USP13: variants seen among roughly 807,000 people sequenced by gnomAD.
USP13 encodes ubiquitin carboxyl-terminal hydrolase 13.
In USP13, 68 loss-of-function variants were observed where a neutral mutation model predicts 107.8. The ratio of observed to expected loss-of-function variants is 0.63; its 90% CI spans 0.52 to 0.77. USP13 has a LOEUF of 0.77. Among genes scored for constraint, USP13 ranks in the 30% least tolerant of loss-of-function variants. USP13 has a pLI of 0.00. For synonymous variants in USP13, 377 were observed against 389.5 expected (o/e 0.97, Z 0.38); for missense variants, 945 against 1,093.3 (o/e 0.86, Z 1.91).
intron 19 of USP13, among the ~76,000 whole-genome samples, chr3:179,766,411 TC>T: frequency 6.6e-6 from 1 of 152,322 alleles, no homozygotes; most frequent in Non-Finnish European, 1.5e-5. Flanking sequence ...TTTTGTCTGT[TC>T]CTTTGAGGTA....
intron 6 of USP13, among the ~76,000 whole-genome samples, chr3:179,711,899 AACCATATGTGCTAT>A (rs1462197486): frequency 6.6e-6 from 1 of 152,242 alleles, no homozygotes; most frequent in Non-Finnish European, 1.5e-5. Context: ...CTGTACGTAA[AACCATATGTGCTAT>A]ACTTATATGT....
At chr3:179,775,220 G>T (rs376594290) in intron 19 of USP13, among the ~76,000 whole-genome samples, 1 of 152,048 alleles carries the variant, frequency 6.6e-6, no homozygotes, top group African/African-American at 2.4e-5. Context: ...CATGCTGATC[G>T]GTGCATTTAC....
intron 13 of USP13, among the ~76,000 whole-genome samples, chr3:179,745,882 T>C (rs1003362693): frequency 4.6e-5 from 7 of 152,124 alleles, no homozygotes; most frequent in Non-Finnish European, 7.3e-5. Context: ...GTGAGGCTGG[T>C]TGTCAGACAC....
intron 10 of USP13, among the ~76,000 whole-genome samples, chr3:179,733,881 G>C (rs1354810795): frequency 6.6e-6 from 1 of 152,214 alleles, no homozygotes; most frequent in Non-Finnish European, 1.5e-5. Flanking sequence ...GAGTGGCAGA[G>C]CTGGGAATTA....
At chr3:179,776,926 T>C (rs1202047445) in intron 19 of USP13, among the ~76,000 whole-genome samples, 1 of 145,374 alleles carries the variant, frequency 6.9e-6, no homozygotes, top group African/African-American at 2.5e-5. Context: ...CAACAGTAGC[T>C]TCTCTCTCTG....
At position 179,721,691 on chromosome 3, in the gene USP13, GACATTT is replaced by G. The variant is rs1414571089; in HGVS notation, c.1088+103_1088+108del. 1.5e-6 allele frequency: 2 copies of G among 1,298,884 alleles called. No individual in the cohort carries two copies. Among genetic ancestry groups the G allele is most frequent in the African/African-American group, 3.0e-5 (2 of 67,614 alleles). The allele number at this position is 1,298,884 out of a possible 1,614,324, so 80.5% of individuals were successfully genotyped here. A position where few individuals can be genotyped will look rare whatever the true frequency, so the allele number is the denominator to read the frequency against. On this transcript the variant is annotated intron_variant, in intron 8 of 20. Coordinates refer to ENST00000263966, the MANE Select transcript of USP13 (RefSeq NM_003940.3). The surrounding 1 kb of genome is among the most constrained non-coding windows in gnomAD (Gnocchi z 4.3). ...GCGAAGCCCATCTTTATTGCTTCAG[GACATTT>G]TGCCACCTTTTCTCTGGCCTGCCTT...
intron 6 of USP13, among the ~76,000 whole-genome samples, chr3:179,714,407 G>C (rs148410351): frequency 6.6e-6 from 1 of 152,160 alleles, no homozygotes; most frequent in African/African-American, 2.4e-5. Context: ...GCCTGGCCTC[G>C]GCCCCTGCTG....
intron 1 of USP13, among the ~76,000 whole-genome samples, chr3:179,675,536 T>TATTATTA (rs142250396): frequency 1.7e-3 from 253 of 146,380 alleles, no homozygotes; most frequent in African/African-American, 6.0e-3. Context: ...TGTAACCTAT[T>TATTATTA]TTATTATTAT....
rs144481641 is a variant in USP13, at chr3:179,653,300, C to T, written c.75C>T (p.Gly25=). ...GGAAGATGGCTGCAGGAGACATCGGCGAGCTGCTAGTGCCCCACATGCCCA... is the reference window on the plus strand; with the variant it reads ...GGAAGATGGCTGCAGGAGACATCGGTGAGCTGCTAGTGCCCCACATGCCCA... The part of the protein sequence containing the change: ...GGRKMAAGDI[G]ELLVPHMPTI... The change falls in exon 1 of 21, where the codon GGC becomes GGT. Residue 25 remains glycine, a synonymous_variant. Transcript: ENST00000263966. This position sits in a 1 kb window ranked among gnomAD's most constrained non-coding sequence, Gnocchi z 4.0. 3.2e-6 allele frequency: 5 copies of T among 1,574,876 alleles called. No individual in the cohort carries two copies. The highest frequency in any genetic ancestry group is 4.3e-6 in the Non-Finnish European group (5 of 1,160,974).
At position 179,721,837 on chromosome 3, in the gene USP13, C is replaced by T. The variant is rs753777135; in HGVS notation, c.1088+248C>T. On this transcript the variant is annotated intron_variant, in intron 8 of 20. Transcript: ENST00000263966. This position sits in a 1 kb window ranked among gnomAD's most constrained non-coding sequence, Gnocchi z 4.3. ...CTGTAATCTCAGCACTTTGGGAGGC[C>T]GAGGCGGGCAGATCACGAGGTCAGG... 5.9e-5 allele frequency among the ~76,000 whole-genome samples: 9 copies of T among 151,860 alleles called. No homozygotes were observed. The highest frequency in any genetic ancestry group is 7.4e-5 in the Non-Finnish European group (5 of 67,968).
intron 4 of USP13, among the ~76,000 whole-genome samples, chr3:179,703,894 A>G (rs973718912): frequency 2.0e-5 from 3 of 152,258 alleles, no homozygotes; most frequent in African/African-American, 7.2e-5. Context: ...TTAACGTTTT[A>G]TAATGGCTGT....
At chr3:179,734,527 A>T (rs1252096839) in intron 10 of USP13, among the ~76,000 whole-genome samples, 1 of 152,208 alleles carries the variant, frequency 6.6e-6, no homozygotes, top group East Asian at 1.9e-4. Flanking sequence ...TCAACTTTTC[A>T]TCAACGTGAG....
chr3:179,753,948 A>T (rs1039493045), intron 14 of USP13, among the ~76,000 whole-genome samples: 2 of 152,224 alleles, frequency 1.3e-5, no homozygotes, highest in African/African-American at 4.8e-5. Flanking sequence ...TGTAAAGATA[A>T]TACACTTGAG....
intron 19 of USP13, among the ~76,000 whole-genome samples, chr3:179,779,279 A>AT (rs1715658967): frequency 6.6e-6 from 1 of 151,900 alleles, no homozygotes. Context: ...CATGCCTGTA[A>AT]TTCCAGCACT....
chr3:179,765,737 C>T lies in USP13; in HGVS notation c.2302C>T (p.Pro768Ser). 3 of 1,614,028 alleles carry T rather than the reference C, an allele frequency of 1.9e-6. No homozygotes were observed. The highest frequency in any genetic ancestry group is 2.5e-6 in the Non-Finnish European group (3 of 1,179,938). The change falls in exon 19 of 21, where the codon CCT becomes TCT. Residue 768 changes from proline (P) to serine (S), a missense_variant. By Grantham distance (74) the Pro-to-Ser change is moderately conservative (BLOSUM62 -1). Transcript: ENST00000263966. ...ERALDWIFSH[P>S]EFEEDSDFVI... ...AGCACTGGATTGGATCTTTAGCCAC[C>T]CTGAGTTTGAAGAAGACAGTGATTT...
intron 1 of USP13, among the ~76,000 whole-genome samples, chr3:179,665,911 G>A (rs1175019248): frequency 6.6e-6 from 1 of 152,146 alleles, no homozygotes. Context: ...AAACAGTGTG[G>A]TGCTTAAAAT....
intron 6 of USP13, among the ~76,000 whole-genome samples, chr3:179,713,324 C>T (rs1265193902): frequency 6.6e-6 from 1 of 152,084 alleles, no homozygotes; most frequent in Admixed American, 6.6e-5. Flanking sequence ...TATTTTCTGT[C>T]TAATTGTAAT....
chr3:179,750,401 T>C (rs1297580595), intron 13 of USP13, among the ~76,000 whole-genome samples: 1 of 149,516 alleles, frequency 6.7e-6, no homozygotes, highest in Non-Finnish European at 1.5e-5. Flanking sequence ...AGTTGAGGAC[T>C]TGGTGACATT....
chr3:179,679,764 G>A (rs1711581412), intron 1 of USP13, among the ~76,000 whole-genome samples: 1 of 145,838 alleles, frequency 6.9e-6, no homozygotes, highest in Non-Finnish European at 1.5e-5. Context: ...CTTCCATGCT[G>A]TGTGAACTTG....
Sources: allele counts gnomAD v4.1 joint callset (sites outside exome capture counted in the v4.1 genomes callset), GRCh38; gene constraint gnomAD v4.1.1; non-coding constraint Gnocchi (gnomAD v3.1); transcripts MANE v1.5; gene names NCBI Gene and HGNC (gene_info 2026-07-23, HGNC 2026-07-21).